Variants in APC observed in about 807,000 individuals in gnomAD.
APC encodes the protein APC regulator of Wnt signaling pathway, also known as adenomatous polyposis coli protein.
A neutral mutation model predicts 247.0 loss-of-function variants in APC; 72 were observed. That is an observed-to-expected ratio of 0.29 (90% CI 0.24 to 0.35). The LOEUF is 0.35. APC is among the 10% of genes least tolerant of loss of function. The pLI is 1.00. For synonymous variants in APC, 1,254 were observed against 1,162.5 expected, an observed-to-expected ratio of 1.08 and a Z score of -1.60; for missense variants, 3,400 against 3,360.7, an observed-to-expected ratio of 1.01 and a Z score of -0.29.
chr5:112,828,989 T>C lies in APC; in HGVS notation c.1743+17T>C, dbSNP rs900659935. On this transcript the variant is annotated intron_variant, in intron 14 of 15. Transcript: ENST00000257430. ...GTTAAAAAGGTACCTTTGAAAACAT[T>C]TAGTACTATAATATGAATTTCATGT... 1 of 1,541,680 alleles carries C rather than the reference T, an allele frequency of 6.5e-7. No homozygotes were observed. The highest frequency in any genetic ancestry group is 9.0e-7 in the Non-Finnish European group (1 of 1,114,476).
At chr5:112,721,163 C>T (rs1320596162) in intron 1 of APC, among the ~76,000 whole-genome samples, 6 of 152,126 alleles carry the variant, frequency 3.9e-5, no homozygotes, top group Non-Finnish European at 8.8e-5. Flanking sequence ...CCTGTAATCT[C>T]AGCACTTTGG....
rs986809285 is a variant in APC, at chr5:112,792,518, A to G, written c.718A>G (p.Thr240Ala). 1.2e-6 allele frequency: 2 copies of G among 1,612,458 alleles called. No homozygotes were observed. The highest frequency in any genetic ancestry group is 3.3e-5 in the Admixed American group (2 of 59,998). Residue 240 changes from threonine to alanine, a missense_variant, in exon 7 of 16, where the codon ACA (threonine) becomes GCA (alanine). Physicochemically the swap from Thr to Ala is moderately conservative, Grantham distance 58. This residue lies in a region of APC where 372 missense variants were observed against 367.6 expected (regional missense o/e 1.01). Coordinates refer to ENST00000257430, the MANE Select transcript of APC (RefSeq NM_000038.6). ...ACGACAGCTTTTACAGTCCCAAGCA[A>G]CAGAAGCAGAGGTTAGTAAATTGCC... Reference protein sequence around the residue: ...RIRQLLQSQATEAERSSQNKH... With the variant: ...RIRQLLQSQAAEAERSSQNKH...
chr5:112,784,676 C>A (rs1758746565), intron 6 of APC, among the ~76,000 whole-genome samples: 1 of 151,758 alleles, frequency 6.6e-6, no homozygotes, highest in African/African-American at 2.4e-5. Flanking sequence ...CAAGAACGGC[C>A]CTGGAAGAGG....
chr5:112,827,689 C>A (rs1391045524), intron 12 of APC, among the ~76,000 whole-genome samples: 1 of 152,224 alleles, frequency 6.6e-6, no homozygotes, highest in Non-Finnish European at 1.5e-5. Context: ...TGTTGCTTAT[C>A]ATTTCTCACC....
In APC at chr5:112,840,986, A is replaced by C. The variant is rs200794097; in HGVS notation, c.5392A>C (p.Asn1798His). Residue 1798 changes from asparagine to histidine, a missense_variant, in exon 16 of 16, where the codon AAT becomes CAT. By Grantham distance (68) the Asn-to-His change is moderately conservative. This residue lies in a region of APC where 1,788 missense variants were observed against 1,649.5 expected (regional missense o/e 1.08). Transcript: ENST00000257430. The surrounding 1 kb of genome is among the most constrained non-coding windows in gnomAD (Gnocchi z 4.1). Reference protein sequence around the residue: ...RVRKNADSKNNLNAERVFSDN... With the variant: ...RVRKNADSKNHLNAERVFSDN... ...AAGAAAAAATGCAGACTCAAAAAAT[A>C]ATTTAAATGCTGAGAGAGTTTTCTC... 6.2e-7 allele frequency: 1 copy of C among 1,612,416 alleles called. No homozygotes were observed. Among genetic ancestry groups the C allele is most frequent in the Non-Finnish European group, 8.5e-7 (1 of 1,178,848 alleles).
rs181423900 is a variant in APC, at chr5:112,728,089, T to G, written c.165+20207T>G. Among the ~76,000 whole-genome samples the G allele has an allele frequency of 2.6e-3, 390 of 152,240 alleles. 1 individual carries two copies. Among genetic ancestry groups the G allele is most frequent in the African/African-American group, 8.8e-3 (365 of 41,534 alleles). On this transcript the variant is annotated intron_variant, in intron 1 of 13. Coordinates refer to the APC transcript ENST00000507379. ...TTATGAGATTTTTTTGCAATTTTTT[T>G]TTTTTAAGCTCATCAGCTGTCGATA...
intron 8 of APC, among the ~76,000 whole-genome samples, chr5:112,810,487 A>C (rs897658582): frequency 1.3e-5 from 2 of 152,240 alleles, no homozygotes; most frequent in Non-Finnish European, 2.9e-5. Context: ...CAAGGGAAAC[A>C]AAAAGATGGC....
At chr5:112,802,369 A>G (rs951040884) in intron 8 of APC, among the ~76,000 whole-genome samples, 2 of 152,198 alleles carry the variant, frequency 1.3e-5, no homozygotes, top group East Asian at 3.8e-4. Flanking sequence ...ATGTTTAAAC[A>G]GCACATTTGA....
At chr5:112,808,115 A>C (rs574444170) in intron 8 of APC, among the ~76,000 whole-genome samples, 1 of 152,284 alleles carries the variant, frequency 6.6e-6, no homozygotes, top group Admixed American at 6.5e-5. Flanking sequence ...AGATCGCACC[A>C]CTGCACTCCA....
In APC at chr5:112,827,006, C is replaced by G. The variant is rs1763728656; in HGVS notation, c.1409-102C>G. ...AAGGCAAATTTAAACCATATATTCTCATTGATTGAGTTTTTTTTTCCTAGT... is the reference window on the plus strand; with the variant it reads ...AAGGCAAATTTAAACCATATATTCTGATTGATTGAGTTTTTTTTTCCTAGT... On this transcript the variant is annotated intron_variant, in intron 11 of 15. Coordinates refer to ENST00000257430, the MANE Select transcript of APC (RefSeq NM_000038.6). 5 of 1,156,276 alleles carry G rather than the reference C, an allele frequency of 4.3e-6. No individual in the cohort carries two copies. In the Admixed American group the frequency reaches 6.1e-5, roughly 14 times the overall value. The allele number at this position is 1,156,276 out of a possible 1,614,324, so 71.6% of individuals were successfully genotyped here.
chr5:112,795,500 C>G (rs1760121821), intron 7 of APC, among the ~76,000 whole-genome samples: 1 of 152,216 alleles, frequency 6.6e-6, no homozygotes, highest in African/African-American at 2.4e-5. Flanking sequence ...GCCCAAAGTT[C>G]TAACTCTCTT....
Position 112,839,266 on chromosome 5 carries a change from T to C in APC, c.3672T>C (p.Asn1224=), listed in dbSNP as rs1765490207. 2 of 1,614,162 alleles carry C rather than the reference T, an allele frequency of 1.2e-6. No individual in the cohort carries two copies. Among genetic ancestry groups the C allele is most frequent in the Non-Finnish European group, 1.7e-6 (2 of 1,180,026 alleles). Residue 1224 remains asparagine (N), a synonymous_variant, in exon 16 of 16, where the codon AAT becomes AAC. Coordinates refer to ENST00000257430, the MANE Select transcript of APC (RefSeq NM_000038.6). This position sits in a 1 kb window ranked among gnomAD's most constrained non-coding sequence, Gnocchi z 5.0. The stretch of plus-strand genomic sequence containing the variant: ...AGAATACGTCCACACCTTCATCTAA[T>C]GCCAAGAGGCAGAATCAGCTCCATC... The part of the protein sequence containing the change: ...SSENTSTPSS[N]AKRQNQLHPS...
intron 8 of APC, among the ~76,000 whole-genome samples, chr5:112,805,191 A>G (rs1021755697): frequency 1.3e-5 from 2 of 152,044 alleles, no homozygotes; most frequent in South Asian, 4.1e-4. Flanking sequence ...TTTGTAATGA[A>G]CATGTATTAC....
At chr5:112,781,271 C>T (rs548100889) in intron 6 of APC, among the ~76,000 whole-genome samples, 1 of 152,170 alleles carries the variant, frequency 6.6e-6, no homozygotes, top group Admixed American at 6.5e-5. Flanking sequence ...TCAAATTGTG[C>T]ACTTAAAAAA....
intron 5 of APC, among the ~76,000 whole-genome samples, chr5:112,776,820 G>C (rs1262774269): frequency 1.3e-5 from 2 of 151,784 alleles, no homozygotes; most frequent in Non-Finnish European, 2.9e-5. Context: ...CATCCAGCCT[G>C]GGTGACAGAG....
At chr5:112,808,560 G>T (rs937943800) in intron 8 of APC, among the ~76,000 whole-genome samples, 2 of 151,980 alleles carry the variant, frequency 1.3e-5, no homozygotes, top group Non-Finnish European at 1.5e-5. Context: ...CGATCCTCTC[G>T]AGTAGCTGGT....
At position 112,839,091 on chromosome 5, in the gene APC, A is replaced by G. The variant is rs1239036391; in HGVS notation, c.3497A>G (p.Tyr1166Cys). 1.2e-6 allele frequency: 2 copies of G among 1,614,124 alleles called. No homozygotes were observed. The highest frequency in any genetic ancestry group is 3.3e-5 in the Admixed American group (2 of 60,022). The change falls in exon 16 of 16, where the codon TAT (tyrosine) becomes TGT (cysteine). Residue 1166 changes from tyrosine to cysteine, a missense_variant. By Grantham distance (194) the Tyr-to-Cys change is radical. This residue lies in a region of APC where 715 missense variants were observed against 656.6 expected (regional missense o/e 1.09). Coordinates refer to ENST00000257430, the MANE Select transcript of APC (RefSeq NM_000038.6). This position sits in a 1 kb window ranked among gnomAD's most constrained non-coding sequence, Gnocchi z 5.0. ...EERPTNYSIK[Y>C]NEEKRHVDQP... ...AGACCAACAAATTATAGCATAAAAT[A>G]TAATGAAGAGAAACGTCATGTGGAT...
At chr5:112,768,343 C>G (rs934623948) in intron 4 of APC, among the ~76,000 whole-genome samples, 7 of 150,246 alleles carry the variant, frequency 4.7e-5, no homozygotes, top group Non-Finnish European at 1.0e-4. Context: ...CTACACTTGG[C>G]CAAGACTCTG....
At chr5:112,808,401 T>C (rs1467490979) in intron 8 of APC, among the ~76,000 whole-genome samples, 1 of 152,188 alleles carries the variant, frequency 6.6e-6, no homozygotes, top group Non-Finnish European at 1.5e-5. Context: ...GGCCATTTAG[T>C]TATTGAAGAA....
Sources: allele counts gnomAD v4.1 joint callset (sites outside exome capture counted in the v4.1 genomes callset), GRCh38; gene constraint gnomAD v4.1.1; regional missense constraint gnomAD v4.1.1; non-coding constraint Gnocchi (gnomAD v3.1); transcripts MANE v1.5; gene names NCBI Gene and HGNC (gene_info 2026-07-23, HGNC 2026-07-21).